Variants in WDR41 observed in about 807,000 individuals in gnomAD.
WDR41 encodes WD repeat-containing protein 41.
Under a neutral mutation model 69.3 loss-of-function variants are expected in WDR41, and 63 were observed. That is an observed-to-expected ratio of 0.91 (90% CI 0.74 to 1.12). WDR41 has a LOEUF of 1.12. Ranked by LOEUF, WDR41 falls within the 50% of genes most tolerant of loss-of-function variation. The probability of loss-of-function intolerance (pLI) is 0.00; values close to 1 mark genes in which losing one functional copy is unlikely to be tolerated. For missense variants in WDR41, 543 were observed against 534.5 expected, an observed-to-expected ratio of 1.02 and a Z score of -0.16; for synonymous variants, 185 against 192.1, an observed-to-expected ratio of 0.96 and a Z score of 0.31.
chr5:77,514,001 C>G (rs1027227488), intron 1 of WDR41, among the ~76,000 whole-genome samples: 6 of 151,934 alleles, frequency 3.9e-5, no homozygotes, highest in African/African-American at 1.5e-4. Flanking sequence ...TCTTTGTACT[C>G]TAAGAGTCAA....
intron 2 of WDR41, among the ~76,000 whole-genome samples, chr5:77,471,153 G>A (rs1800588263): frequency 1.3e-5 from 2 of 152,182 alleles, no homozygotes; most frequent in Non-Finnish European, 2.9e-5. Context: ...CATGGAAACT[G>A]AACAACCTGC....
chr5:77,451,146 T>TA (rs1799612467), intron 7 of WDR41, 145 bp downstream of exon 7: 3 of 673,248 alleles, frequency 4.5e-6, no homozygotes, highest in Non-Finnish European at 2.5e-6. Flanking sequence ...GAAAATGTCT[T>TA]AGTCTCTGTA....
chr5:77,504,059 A>C (rs1453184012), intron 1 of WDR41, among the ~76,000 whole-genome samples: 1 of 146,044 alleles, frequency 6.8e-6, no homozygotes, highest in Admixed American at 7.0e-5. Flanking sequence ...AGACACGAAA[A>C]ACCCTTCAAA....
intron 8 of WDR41, among the ~76,000 whole-genome samples, chr5:77,441,878 A>AC (rs1272354645): frequency 2.7e-5 from 1 of 37,544 alleles, no homozygotes; most frequent in Non-Finnish European, 4.7e-5. Context: ...AATACAGCAG[A>AC]AAAAAAAATG....
At chr5:77,610,877 C>G (rs1028750061) in intron 1 of WDR41, among the ~76,000 whole-genome samples, 17 of 151,596 alleles carry the variant, frequency 1.1e-4, no homozygotes, top group African/African-American at 4.1e-4. Context: ...GATAAAGAGT[C>G]AAGACCCATC....
chr5:77,480,513 T>C (rs1306965634), intron 2 of WDR41, among the ~76,000 whole-genome samples: 3 of 152,196 alleles, frequency 2.0e-5, no homozygotes, highest in Non-Finnish European at 4.4e-5. Flanking sequence ...GATGAGTTCA[T>C]GTCCTTTGTA....
intron 4 of WDR41, among the ~76,000 whole-genome samples, chr5:77,460,822 C>T (rs1581719551): frequency 6.6e-6 from 1 of 152,120 alleles, no homozygotes; most frequent in Admixed American, 6.6e-5. Context: ...TGTGGCATCA[C>T]GTCAGTGCTT....
intron 1 of WDR41, chr5:77,583,163 A>G (rs1009485772): frequency 9.2e-6 from 9 of 980,512 alleles, no homozygotes; most frequent in Non-Finnish European, 1.4e-5. Flanking sequence ...GTTGGTTAAT[A>G]AACAGTACCT....
chr5:77,500,162 ATAT>A (rs1561207453), intron 1 of WDR41, among the ~76,000 whole-genome samples: 1 of 152,248 alleles, frequency 6.6e-6, no homozygotes, highest in Non-Finnish European at 1.5e-5. Context: ...ACTTTAAAAC[ATAT>A]TATAAAAATG....
chr5:77,470,121 A>G lies in WDR41; in HGVS notation c.168-5312T>C, dbSNP rs540396179. The stretch of plus-strand genomic sequence containing the variant: ...AAGCCAGAAGATAATGGGGGCCAAT[A>G]TTCAACATTCTTAAAGAAAAGAATT... On this transcript the variant is annotated intron_variant, in intron 2 of 12. Transcript: ENST00000296679. Among the ~76,000 whole-genome samples the G allele has an allele frequency of 2.6e-5, 4 of 151,912 alleles. No individual in the cohort carries two copies. In the East Asian group the frequency reaches 7.7e-4, roughly 29 times the overall value.
intron 6 of WDR41, among the ~76,000 whole-genome samples, chr5:77,453,401 T>C (rs550454488): frequency 3.2e-4 from 49 of 152,292 alleles, no homozygotes; most frequent in African/African-American, 1.2e-3. Flanking sequence ...CACAGAATTG[T>C]GAGAAAATGA....
intron 1 of WDR41, among the ~76,000 whole-genome samples, chr5:77,601,003 CAG>C (rs1440198743): frequency 3.4e-5 from 5 of 148,112 alleles, no homozygotes; most frequent in Admixed American, 2.7e-4. Flanking sequence ...TCATCTAAGT[CAG>C]AGTAAGTTCA....
chr5:77,446,389 CTAT>C (rs961904121), intron 8 of WDR41, among the ~76,000 whole-genome samples: 27 of 152,310 alleles, frequency 1.8e-4, no homozygotes, highest in African/African-American at 6.0e-4. Context: ...CATCAAACTA[CTAT>C]TGACATCCTT....
At position 77,432,797 on chromosome 5, in the gene WDR41, T is replaced by C. The variant is rs1561720717; in HGVS notation, c.*338A>G. ...AATAATTCTAAAGGAAGCCAAATAA[T>C]AAAACTTCTAATAAATGCCATAACT... is the stretch of plus-strand genomic sequence containing the variant. On this transcript the variant is annotated 3_prime_UTR_variant, in exon 13 of 13. Coordinates refer to ENST00000296679, the MANE Select transcript of WDR41 (RefSeq NM_018268.4). The C allele has an allele frequency of 5.7e-6, 1 of 174,390 alleles. No individual in the cohort carries two copies. Among genetic ancestry groups the C allele is most frequent in the Admixed American group, 6.2e-5 (1 of 16,060 alleles). 10.8% of individuals were successfully genotyped at this position (174,390 alleles called of 1,614,324 possible).
intron 1 of WDR41, among the ~76,000 whole-genome samples, chr5:77,537,722 G>A (rs557380314): frequency 3.1e-4 from 47 of 152,104 alleles, no homozygotes; most frequent in Non-Finnish European, 5.4e-4. Flanking sequence ...TGGGAGGGTC[G>A]GTCTCTCCAG....
chr5:77,546,233 A>G, intron 1 of WDR41: 1 of 394,182 alleles, frequency 2.5e-6, no homozygotes, highest in African/African-American at 2.1e-5. Flanking sequence ...TCTCCGTGCA[A>G]AGGACCCAGG....
chr5:77,534,907 T>C (rs1487300490), intron 1 of WDR41, among the ~76,000 whole-genome samples: 1 of 152,252 alleles, frequency 6.6e-6, no homozygotes, highest in Non-Finnish European at 1.5e-5. Context: ...AAGGGATGTT[T>C]TGACTGTGTT....
chr5:77,517,637 T>C (rs1206746080), intron 1 of WDR41, among the ~76,000 whole-genome samples: 1 of 65,980 alleles, frequency 1.5e-5, no homozygotes, highest in Non-Finnish European at 3.8e-5. Context: ...TGAACATATA[T>C]ATATATATAT....
chr5:77,464,195 AC>A (rs1416150036), intron 3 of WDR41, among the ~76,000 whole-genome samples: 1 of 151,998 alleles, frequency 6.6e-6, no homozygotes, highest in Admixed American at 6.6e-5. Context: ...GCTAGTGATA[AC>A]CTAAATTTTG....
Sources: allele counts gnomAD v4.1 joint callset (sites outside exome capture counted in the v4.1 genomes callset), GRCh38; gene constraint gnomAD v4.1.1; transcripts MANE v1.5; gene names NCBI Gene and HGNC (gene_info 2026-07-23, HGNC 2026-07-21).